Variants in ACTG2 observed in about 807,000 individuals in gnomAD.
ACTG2 encodes the protein actin gamma 2, smooth muscle, also known as actin, gamma-enteric smooth muscle.
ACTG2 carries 16 observed loss-of-function variants against 37.6 expected under a neutral mutation model. That is an observed-to-expected ratio of 0.43 (90% CI 0.29 to 0.65). ACTG2 has a LOEUF of 0.65. Ranked by LOEUF, ACTG2 falls within the 30% of genes least tolerant of loss-of-function variation. ACTG2 has a pLI of 0.18. For missense variants in ACTG2, 238 were observed against 490.9 expected (o/e 0.48, Z 4.87); for synonymous variants, 181 against 179.9 (o/e 1.01, Z -0.05).
chr2:73,895,049 C>T (rs762612927), intron 1 of ACTG2, among the ~76,000 whole-genome samples: 2 of 152,050 alleles, frequency 1.3e-5, no homozygotes, highest in Non-Finnish European at 2.9e-5. Flanking sequence ...GTAAGAAGGG[C>T]TGGTGATAGG....
chr2:73,908,592 C>A, intron 3 of ACTG2, 81 bp from the exon 4 acceptor site: 1 of 1,199,694 alleles, frequency 8.3e-7, no homozygotes, highest in Non-Finnish European at 1.2e-6. Context: ...TGGTGCCACA[C>A]TCTCCCAGCA....
intron 1 of ACTG2, among the ~76,000 whole-genome samples, chr2:73,894,058 T>C (rs1679688589): frequency 1.3e-5 from 2 of 152,104 alleles, no homozygotes; most frequent in African/African-American, 4.8e-5. Context: ...AACGAGAGAA[T>C]GCGTATATAC....
chr2:73,902,789 C>A (rs999526404), intron 3 of ACTG2: 6 of 1,541,900 alleles, frequency 3.9e-6, no homozygotes, highest in African/African-American at 1.4e-5. Context: ...TCACTCACCT[C>A]CTCAGAAATC....
At chr2:73,901,516 G>T in intron 2 of ACTG2, 79 bp downstream of exon 2, 1 of 1,402,724 alleles carries the variant, frequency 7.1e-7, no homozygotes. Context: ...GCTGAGCTGG[G>T]GGTTAGGGGA....
intron 1 of ACTG2, among the ~76,000 whole-genome samples, chr2:73,895,909 G>C (rs1679737688): frequency 6.6e-6 from 1 of 152,220 alleles, no homozygotes; most frequent in Non-Finnish European, 1.5e-5. Flanking sequence ...AACAAAAGCA[G>C]CCATAGATAA....
intron 3 of ACTG2, chr2:73,902,804 G>GT: frequency 6.5e-7 from 1 of 1,532,306 alleles, no homozygotes. Context: ...GAAATCTTCA[G>GT]TAGCTCTTCA....
intron 1 of ACTG2, among the ~76,000 whole-genome samples, chr2:73,894,799 A>G (rs564862491): frequency 3.3e-5 from 5 of 152,332 alleles, no homozygotes; most frequent in African/African-American, 1.2e-4. Flanking sequence ...CACTGAATTT[A>G]GATAGCAAGG....
Position 73,916,513 on chromosome 2 carries a change from C to A in ACTG2, c.806-71C>A, listed in dbSNP as rs1263438540. 2.9e-6 allele frequency: 4 copies of A among 1,396,264 alleles called. No homozygotes were observed. In the African/African-American group the frequency reaches 4.3e-5, roughly 15 times the overall value. The allele number at this position is 1,396,264 out of a possible 1,614,324, so 86.5% of individuals were successfully genotyped here. A position where few individuals can be genotyped will look rare whatever the true frequency, so the allele number is the denominator to read the frequency against. Reference sequence around the variant, plus strand: ...GTAGTTGCAACAATCGAAGAAGGGTCATTTGAGGAGCTGGAGGTGTGCATA... The same window carrying A: ...GTAGTTGCAACAATCGAAGAAGGGTAATTTGAGGAGCTGGAGGTGTGCATA... On this transcript the variant is annotated intron_variant, in intron 7 of 8. Transcript: ENST00000345517.
chr2:73,914,099 C>T (rs1680200866), intron 6 of ACTG2, among the ~76,000 whole-genome samples: 1 of 152,052 alleles, frequency 6.6e-6, no homozygotes, highest in East Asian at 1.9e-4. Flanking sequence ...TCCTGCAAAG[C>T]CCCCAGGAAG....
intron 5 of ACTG2, among the ~76,000 whole-genome samples, chr2:73,912,182 C>T (rs2253816): frequency 0.6 from 91,828 of 152,070 alleles, 28,663 homozygotes; most frequent in Admixed American, 0.72. Context: ...TTTTGAGATG[C>T]AGTTTCGCTC....
At position 73,919,603 on chromosome 2, in the gene ACTG2, C is replaced by T; in HGVS notation, c.*28C>T. The T allele has an allele frequency of 1.5e-5, 24 of 1,606,888 alleles. No individual in the cohort carries two copies. Among genetic ancestry groups the T allele is most frequent in the Non-Finnish European group, 2.0e-5 (24 of 1,176,248 alleles). On this transcript the variant is annotated 3_prime_UTR_variant, in exon 9 of 9. Coordinates refer to ENST00000345517, the MANE Select transcript of ACTG2 (RefSeq NM_001615.4). ...TCAGAACAGGTTCTCCAAGGATCCCCTCGAGACTACTCTGTTACCAGTCAT... is the reference window on the plus strand; with the variant it reads ...TCAGAACAGGTTCTCCAAGGATCCCTTCGAGACTACTCTGTTACCAGTCAT...
intron 1 of ACTG2, among the ~76,000 whole-genome samples, chr2:73,894,202 T>C (rs1679692761): frequency 6.6e-6 from 1 of 152,146 alleles, no homozygotes; most frequent in Non-Finnish European, 1.5e-5. Context: ...AGATATGGCC[T>C]GATACTTGGA....
At chr2:73,913,405 C>T in intron 5 of ACTG2, 80 bp from the exon 6 acceptor site, 3 of 1,293,068 alleles carry the variant, frequency 2.3e-6, no homozygotes, top group Admixed American at 5.1e-5. Context: ...GTAGTCAGAG[C>T]TCATTGGTAA....
chr2:73,903,018 T>C, intron 3 of ACTG2: 1 of 378,176 alleles, frequency 2.6e-6, no homozygotes, highest in South Asian at 4.2e-5. Context: ...GGTGGACTGA[T>C]GCTAGACTAT....
rs1680066861 is a variant in ACTG2, at chr2:73,908,728, C to T, written c.311C>T (p.Thr104Ile). The T allele has an allele frequency of 6.2e-7, 1 of 1,613,934 alleles. No individual in the cohort carries two copies. The highest frequency in any genetic ancestry group is 1.3e-5 in the African/African-American group (1 of 74,938). The change falls in exon 4 of 9, where the codon ACC becomes ATC. Residue 104 changes from threonine to isoleucine, a missense_variant. Coordinates refer to ENST00000345517, the MANE Select transcript of ACTG2 (RefSeq NM_001615.4). ...ELRVAPEEHP[T>I]LLTEAPLNPK... ...CGTGTAGCACCTGAAGAGCACCCCA[C>T]CCTGCTCACAGAGGCTCCCCTAAAT... is the stretch of plus-strand genomic sequence containing the variant.
chr2:73,909,316 G>A (rs1273824854), intron 5 of ACTG2, among the ~76,000 whole-genome samples, 177 bp downstream of exon 5: 4 of 152,168 alleles, frequency 2.6e-5, no homozygotes, highest in Non-Finnish European at 5.9e-5. Flanking sequence ...AGCCTAGCTG[G>A]TATAGTTGGA....
At chr2:73,894,002 T>C (rs1171034817) in intron 1 of ACTG2, among the ~76,000 whole-genome samples, 2 of 152,076 alleles carry the variant, frequency 1.3e-5, no homozygotes, top group African/African-American at 4.8e-5. Flanking sequence ...ACCTGTAAAA[T>C]GGGGGCAAGA....
chr2:73,910,365 CTTTTT>C (rs1190070765), intron 5 of ACTG2, among the ~76,000 whole-genome samples: 1 of 80,692 alleles, frequency 1.2e-5, no homozygotes, highest in Non-Finnish European at 2.2e-5. Flanking sequence ...CTTTTTTCGA[CTTTTT>C]TTTTTTTTTT....
At chr2:73,901,625 T>C (rs2104806540) in intron 2 of ACTG2, 188 bp downstream of exon 2, 2 of 1,049,680 alleles carry the variant, frequency 1.9e-6, no homozygotes, top group Non-Finnish European at 2.6e-6. Context: ...CACATGCGTG[T>C]GTGCACGCCA....
Sources: gnomAD v4.1 joint callset for allele counts (sites outside exome capture counted in the v4.1 genomes callset) on GRCh38, gnomAD v4.1.1 for gene constraint, MANE v1.5 for transcripts, NCBI Gene and HGNC (gene_info 2026-07-23, HGNC 2026-07-21) for gene names.